The following RAB38 variants were observed in gnomAD, a reference collection of about 807,000 sequenced individuals.
RAB38 encodes the protein RAB38, member RAS oncogene family, also known as ras-related protein Rab-38.
In RAB38, 15 loss-of-function variants were observed where a neutral mutation model predicts 18.4. The ratio of observed to expected loss-of-function variants is 0.82; its 90% CI spans 0.55 to 1.26. The LOEUF (loss-of-function observed/expected upper bound fraction) is 1.26, where lower values mean the gene tolerates loss of function less well. Among genes scored for constraint, RAB38 ranks in the 50% most tolerant of loss-of-function variants. The pLI is 0.00. For missense variants in RAB38, 294 were observed against 267.4 expected, an observed-to-expected ratio of 1.10 and a Z score of -0.69; for synonymous variants, 101 against 104.4, an observed-to-expected ratio of 0.97 and a Z score of 0.20.
the RAB38 span, among the ~76,000 whole-genome samples, chr11:87,885,770 C>T: frequency 1.3e-5 from 2 of 151,924 alleles, no homozygotes; most frequent in Admixed American, 1.3e-4. Context: ...GGACCAGTTG[C>T]CTTGTGGCCT....
intron 1 of RAB38, chr11:88,165,456 C>A (rs1015749547): frequency 6.6e-6 from 1 of 152,064 alleles, no homozygotes; most frequent in Non-Finnish European, 1.5e-5. Flanking sequence ...AAAACTATGC[C>A]TGACACTTAA....
chr11:87,952,304 T>A, the RAB38 span, among the ~76,000 whole-genome samples: 2 of 152,242 alleles, frequency 1.3e-5, no homozygotes, highest in Non-Finnish European at 2.9e-5. Flanking sequence ...TGGGCCTCAA[T>A]GACCTCAAAT....
the RAB38 span, among the ~76,000 whole-genome samples, chr11:87,880,981 T>C: frequency 6.6e-6 from 1 of 151,768 alleles, no homozygotes; most frequent in Non-Finnish European, 1.5e-5. Context: ...ATAAAGAAGG[T>C]ACTTTGTTTT....
At chr11:87,937,492 A>G in the RAB38 span, among the ~76,000 whole-genome samples, 1 of 151,436 alleles carries the variant, frequency 6.6e-6, no homozygotes. Context: ...ATCCTCTTCT[A>G]TTTTCTGGAA....
chr11:88,009,463 G>C, the RAB38 span, among the ~76,000 whole-genome samples: 1 of 152,190 alleles, frequency 6.6e-6, no homozygotes, highest in African/African-American at 2.4e-5. Context: ...ATTCTGGGGA[G>C]AAGTTTCAGG....
the RAB38 span, chr11:88,097,806 T>C: frequency 2.0e-5 from 3 of 151,960 alleles, no homozygotes; most frequent in Non-Finnish European, 2.9e-5. Flanking sequence ...ATGTTCTGAT[T>C]GTGTCTCTGG....
At chr11:87,949,747 C>T in the RAB38 span, among the ~76,000 whole-genome samples, 1 of 152,170 alleles carries the variant, frequency 6.6e-6, no homozygotes, top group Non-Finnish European at 1.5e-5. Context: ...GCACTGTGAT[C>T]TGAGAGACAG....
chr11:87,893,371 C>CATATATATATATATGTGTAT, the RAB38 span, among the ~76,000 whole-genome samples: 153 of 86,406 alleles, frequency 1.8e-3, 3 homozygotes, highest in African/African-American at 5.5e-3. Context: ...ATATATTTTA[C>CATATATATATATATGTGTAT]ATATATATAT....
At chr11:87,853,484 T>C in the RAB38 span, among the ~76,000 whole-genome samples, 1 of 152,184 alleles carries the variant, frequency 6.6e-6, no homozygotes, top group African/African-American at 2.4e-5. Flanking sequence ...GGTCTTGAGG[T>C]TCCCAGTCCC....
At chr11:87,919,506 A>C in the RAB38 span, among the ~76,000 whole-genome samples, 6 of 151,606 alleles carry the variant, frequency 4.0e-5, no homozygotes, top group Non-Finnish European at 8.8e-5. Context: ...GTTTGCTATT[A>C]TTTTGTTAAG....
the RAB38 span, among the ~76,000 whole-genome samples, chr11:87,892,425 C>T: frequency 6.6e-6 from 1 of 151,846 alleles, no homozygotes; most frequent in African/African-American, 2.4e-5. Context: ...AGCTGTATAA[C>T]TGGATTTCCT....
chr11:87,938,609 G>T, the RAB38 span, among the ~76,000 whole-genome samples: 3 of 124,352 alleles, frequency 2.4e-5, no homozygotes, highest in East Asian at 2.5e-4. Context: ...CTTCTCTGTT[G>T]CTCTTTTCCG....
At chr11:87,865,413 G>A in the RAB38 span, among the ~76,000 whole-genome samples, 2 of 151,692 alleles carry the variant, frequency 1.3e-5, no homozygotes, top group Non-Finnish European at 3.0e-5. Flanking sequence ...CTATACTCCT[G>A]GCTTTGAAGA....
chr11:87,908,276 T>A, the RAB38 span, among the ~76,000 whole-genome samples: 1 of 151,954 alleles, frequency 6.6e-6, no homozygotes, highest in Non-Finnish European at 1.5e-5. Flanking sequence ...CTTGCTCTTG[T>A]AAGAAAAATT....
the RAB38 span, among the ~76,000 whole-genome samples, chr11:87,936,870 T>C: frequency 2.0e-5 from 3 of 152,124 alleles, no homozygotes; most frequent in South Asian, 6.2e-4. Context: ...GGAGGTTTTG[T>C]GTTTTGTTTT....
rs532582553 is a variant in RAB38 at position 88,132,158 on chromosome 11, A to T, written c.483+17517T>A. Reference sequence around the variant, plus strand: ...GTGCTAGGACTACTGACCCATGGAAACTGTGAAATCATAAATGTGTGTTAT... The same window carrying T: ...GTGCTAGGACTACTGACCCATGGAATCTGTGAAATCATAAATGTGTGTTAT... On this transcript the variant is annotated intron_variant, in intron 2 of 2. Coordinates refer to ENST00000243662, the MANE Select transcript of RAB38 (RefSeq NM_022337.3). Among the ~76,000 whole-genome samples, 8 of 152,314 alleles carry T rather than the reference A, an allele frequency of 5.3e-5. No individual in the cohort carries two copies. In the East Asian group the frequency reaches 1.3e-3, roughly 26 times the overall value.
At chr11:88,036,871 C>T in the RAB38 span, among the ~76,000 whole-genome samples, 1,980 of 151,904 alleles carry the variant, frequency 0.013, 95 homozygotes, top group Non-Finnish European at 7.2e-3. Flanking sequence ...GTATTATTTC[C>T]TTGACACCTT....
At chr11:88,046,653 C>T in the RAB38 span, among the ~76,000 whole-genome samples, 1 of 152,320 alleles carries the variant, frequency 6.6e-6, no homozygotes, top group South Asian at 2.1e-4. Flanking sequence ...GCTCTCCCTG[C>T]AGATCGTGTC....
the RAB38 span, among the ~76,000 whole-genome samples, chr11:87,947,839 T>C: frequency 6.6e-6 from 1 of 152,164 alleles, no homozygotes; most frequent in Non-Finnish European, 1.5e-5. Context: ...GCCTCCCAGC[T>C]TTTGTTCTTT....
Sources: gnomAD v4.1 joint callset for allele counts (sites outside exome capture counted in the v4.1 genomes callset) on GRCh38, gnomAD v4.1.1 for gene constraint, MANE v1.5 for transcripts, NCBI Gene and HGNC (gene_info 2026-07-23, HGNC 2026-07-21) for gene names.